ALK: variants seen among roughly 807,000 people sequenced by gnomAD.
ALK encodes the protein ALK tyrosine kinase receptor.
A neutral mutation model predicts 163.1 loss-of-function variants in ALK; 74 were observed. The ratio of observed to expected loss-of-function variants is 0.45; its 90% confidence interval spans 0.38 to 0.55. ALK has a LOEUF of 0.55. ALK is among the 20% of genes least tolerant of loss of function. The pLI is 0.00. For missense variants in ALK, 2,063 were observed against 2,105.3 expected (o/e 0.98, Z 0.39); for synonymous variants, 960 against 843.2 (o/e 1.14, Z -2.40).
chr2:29,687,875 T>A (rs1448135665), intron 3 of ALK, among the ~76,000 whole-genome samples: 2 of 152,252 alleles, frequency 1.3e-5, no homozygotes, highest in Non-Finnish European at 2.9e-5. Flanking sequence ...TATATTTTAT[T>A]TAACTAATTC....
intron 1 of ALK, among the ~76,000 whole-genome samples, chr2:29,780,254 C>A (rs1434938388): frequency 2.0e-5 from 3 of 152,210 alleles, no homozygotes; most frequent in African/African-American, 7.2e-5. Context: ...CAGAGCCCTC[C>A]TGTCCATGGA....
intron 1 of ALK, among the ~76,000 whole-genome samples, chr2:29,779,928 G>A (rs1021879468): frequency 2.0e-5 from 3 of 152,134 alleles, no homozygotes; most frequent in East Asian, 3.8e-4. Context: ...GGGAACAAAT[G>A]TATTACTTCA....
chr2:29,460,864 G>T (rs1264348958), intron 4 of ALK, among the ~76,000 whole-genome samples: 5 of 152,126 alleles, frequency 3.3e-5, no homozygotes, highest in Admixed American at 3.3e-4. Flanking sequence ...ATTAAGCTTG[G>T]TAAGGAAGGC....
intron 1 of ALK, among the ~76,000 whole-genome samples, chr2:29,841,178 C>T (rs1377030416): frequency 6.6e-6 from 1 of 152,064 alleles, no homozygotes; most frequent in Non-Finnish European, 1.5e-5. Flanking sequence ...CTCCCACTAC[C>T]CTAACATTAC....
intron 1 of ALK, among the ~76,000 whole-genome samples, chr2:29,874,285 A>T: frequency 7.3e-6 from 1 of 136,978 alleles, no homozygotes; most frequent in East Asian, 2.1e-4. Context: ...GATGACTGTC[A>T]ACTCAAGCCC....
rs1207698601 is a variant in ALK, at chr2:29,739,272, A to G, written c.668-21575T>C. Among the ~76,000 whole-genome samples the G allele has an allele frequency of 2.7e-5, 4 of 148,766 alleles. No individual in the cohort carries two copies. The East Asian group carries it at 7.9e-4, about 29-fold the overall frequency. ...AAAAAAAAAAAAAAAAAAAAAAAGA[A>G]CATAGGCCAGGTGCCAGTGGCTCAC... is the stretch of plus-strand genomic sequence containing the variant. On this transcript the variant is annotated intron_variant, in intron 1 of 28. Coordinates refer to ENST00000389048, the MANE Select transcript of ALK (RefSeq NM_004304.5).
chr2:29,470,458 A>T (rs1255366273), intron 4 of ALK, among the ~76,000 whole-genome samples: 1 of 152,234 alleles, frequency 6.6e-6, no homozygotes, highest in Non-Finnish European at 1.5e-5. Flanking sequence ...AATCAAAGAC[A>T]GAAAGGAAAT....
intron 3 of ALK, among the ~76,000 whole-genome samples, chr2:29,563,067 T>C (rs1227629085): frequency 6.6e-6 from 1 of 152,218 alleles, no homozygotes; most frequent in Non-Finnish European, 1.5e-5. Flanking sequence ...GGAGGGGCTA[T>C]GCTGGACTCC....
intron 6 of ALK, among the ~76,000 whole-genome samples, chr2:29,324,718 C>T (rs146182290): frequency 2.9e-4 from 44 of 152,246 alleles, no homozygotes; most frequent in East Asian, 1.4e-3. Flanking sequence ...TTGGTCAGAA[C>T]GCAGAGAGAG....
chr2:29,791,087 C>A (rs1664173332), intron 1 of ALK, among the ~76,000 whole-genome samples: 1 of 152,152 alleles, frequency 6.6e-6, no homozygotes, highest in South Asian at 2.1e-4. Context: ...AAACACCTAA[C>A]AAAATGCCCA....
chr2:29,673,709 G>T (rs1338343002), intron 3 of ALK, among the ~76,000 whole-genome samples: 1 of 150,184 alleles, frequency 6.7e-6, no homozygotes, highest in East Asian at 1.9e-4. Context: ...TTCCAATTCT[G>T]TGAAGAAAGG....
chr2:29,365,215 A>C (rs1012351596), intron 5 of ALK, among the ~76,000 whole-genome samples: 1 of 152,210 alleles, frequency 6.6e-6, no homozygotes, highest in Admixed American at 6.5e-5. Flanking sequence ...CTTTTACTTA[A>C]AATAAAATTG....
At chr2:29,228,738 C>T (rs1664089055) in intron 16 of ALK, 146 bp downstream of exon 16, 1 of 544,716 alleles carries the variant, frequency 1.8e-6, no homozygotes. Flanking sequence ...CTGGCTGGTC[C>T]AGGCAGGTCG....
chr2:29,752,972 C>G (rs908578803), intron 1 of ALK, among the ~76,000 whole-genome samples: 10 of 152,130 alleles, frequency 6.6e-5, no homozygotes, highest in Admixed American at 1.3e-4. Flanking sequence ...CAGACCCAGC[C>G]CAGGGTCACA....
At chr2:29,664,746 T>C (rs1677456801) in intron 3 of ALK, among the ~76,000 whole-genome samples, 1 of 152,122 alleles carries the variant, frequency 6.6e-6, no homozygotes, top group Admixed American at 6.6e-5. Context: ...CATAATGGCT[T>C]CCAACTACTG....
At chr2:29,783,001 G>T (rs1663879597) in intron 1 of ALK, among the ~76,000 whole-genome samples, 1 of 152,156 alleles carries the variant, frequency 6.6e-6, no homozygotes, top group South Asian at 2.1e-4. Context: ...CATAACTCCT[G>T]CCTGCGATGG....
intron 1 of ALK, among the ~76,000 whole-genome samples, chr2:29,770,159 A>G (rs1227053037): frequency 6.6e-6 from 1 of 152,218 alleles, no homozygotes; most frequent in Non-Finnish European, 1.5e-5. Flanking sequence ...TTAGAGGAGG[A>G]GGGTAAACTA....
intron 26 of ALK, among the ~76,000 whole-genome samples, chr2:29,202,716 G>T (rs756186902): frequency 1.3e-5 from 2 of 152,166 alleles, no homozygotes; most frequent in Non-Finnish European, 2.9e-5. Flanking sequence ...ATATATGTAG[G>T]TTGTCTTCTT....
chr2:29,715,945 A>G (rs1181710010), intron 2 of ALK, among the ~76,000 whole-genome samples: 1 of 152,252 alleles, frequency 6.6e-6, no homozygotes, highest in East Asian at 1.9e-4. Flanking sequence ...AGATAATTAT[A>G]AACTGCCCCA....
Sources: gnomAD v4.1 joint callset for allele counts (sites outside exome capture counted in the v4.1 genomes callset) on GRCh38, gnomAD v4.1.1 for gene constraint, MANE v1.5 for transcripts, NCBI Gene and HGNC (gene_info 2026-07-23, HGNC 2026-07-21) for gene names.